Variants in MYRIP observed in about 807,000 individuals in gnomAD.
MYRIP encodes the protein myosin VIIA and Rab interacting protein.
MYRIP carries 49 observed loss-of-function variants against 98.0 expected under a neutral mutation model. That is an observed-to-expected ratio of 0.50 (90% CI 0.40 to 0.63). The LOEUF is 0.63. MYRIP is among the 30% of genes least tolerant of loss of function. The probability of loss-of-function intolerance (pLI) is 0.00; values close to 1 mark genes in which losing one functional copy is unlikely to be tolerated. For missense variants in MYRIP, 1,004 were observed against 1,058.2 expected (o/e 0.95, Z 0.71); for synonymous variants, 404 against 409.5 (o/e 0.99, Z 0.16).
chr3:39,848,632 T>C (rs1942042054), intron 1 of MYRIP, among the ~76,000 whole-genome samples: 1 of 152,242 alleles, frequency 6.6e-6, no homozygotes, highest in African/African-American at 2.4e-5. Flanking sequence ...CTCATGAGCA[T>C]GTACTTTCAG....
chr3:40,186,853 C>A (rs1951048640), intron 9 of MYRIP, among the ~76,000 whole-genome samples: 1 of 152,222 alleles, frequency 6.6e-6, no homozygotes, highest in African/African-American at 2.4e-5. Context: ...TACCACCTGA[C>A]TGACAATCCC....
chr3:39,876,054 G>A (rs1478186885), intron 1 of MYRIP, among the ~76,000 whole-genome samples: 1 of 152,164 alleles, frequency 6.6e-6, no homozygotes, highest in African/African-American at 2.4e-5. Flanking sequence ...ATTTAGGATA[G>A]TTAGCTCTTC....
intron 3 of MYRIP, among the ~76,000 whole-genome samples, chr3:40,052,147 AT>A (rs934628165): frequency 6.6e-6 from 1 of 151,886 alleles, no homozygotes; most frequent in African/African-American, 2.4e-5. Flanking sequence ...ATTTAACTGT[AT>A]TTTTGTACCC....
At position 40,255,371 on chromosome 3, in the gene MYRIP, G is replaced by T. The variant is rs551972616; in HGVS notation, c.2548-2763G>T. ...TTATTGAAACTAGATAAAGGTGGTA[G>T]TTGTACAACCTCGTGAACATACTAA... On this transcript the variant is annotated intron_variant, in intron 16 of 16. Transcript: ENST00000302541. 2.0e-5 allele frequency among the ~76,000 whole-genome samples: 3 copies of T among 152,312 alleles called. No individual in the cohort carries two copies. The South Asian group carries it at 6.2e-4, about 32-fold the overall frequency.
intron 2 of MYRIP, among the ~76,000 whole-genome samples, chr3:40,017,947 C>G (rs1192512848): frequency 1.3e-5 from 2 of 152,124 alleles, no homozygotes; most frequent in African/African-American, 4.8e-5. Context: ...TGTTACTGTG[C>G]ATTTTCATTG....
chr3:39,852,997 A>G (rs1942178892), intron 1 of MYRIP, among the ~76,000 whole-genome samples: 1 of 152,084 alleles, frequency 6.6e-6, no homozygotes, highest in Admixed American at 6.5e-5. Context: ...GGTCAGGGTG[A>G]TCTCGAACTC....
chr3:40,028,860 G>A (rs182998558), intron 2 of MYRIP, among the ~76,000 whole-genome samples: 2 of 152,192 alleles, frequency 1.3e-5, no homozygotes, highest in African/African-American at 4.8e-5. Flanking sequence ...AGTGAGAGAT[G>A]GTCTGAAGAA....
At chr3:40,047,892 C>T (rs1021946707) in intron 3 of MYRIP, among the ~76,000 whole-genome samples, 3 of 152,066 alleles carry the variant, frequency 2.0e-5, no homozygotes, top group Non-Finnish European at 2.9e-5. Context: ...AACTGTGTAA[C>T]CCATCAACAT....
chr3:39,833,017 A>G (rs1941499205), intron 1 of MYRIP, among the ~76,000 whole-genome samples: 1 of 152,244 alleles, frequency 6.6e-6, no homozygotes, highest in Admixed American at 6.5e-5. Flanking sequence ...AGGTTAGTAA[A>G]CAGATCCACT....
intron 2 of MYRIP, among the ~76,000 whole-genome samples, chr3:39,939,840 T>C (rs1944741565): frequency 6.6e-6 from 1 of 152,160 alleles, no homozygotes; most frequent in Non-Finnish European, 1.5e-5. Flanking sequence ...AGGAAATGAT[T>C]CTGAATCAAT....
intron 1 of MYRIP, among the ~76,000 whole-genome samples, chr3:39,838,670 C>CT (rs1270894934): frequency 3.9e-5 from 6 of 151,910 alleles, no homozygotes; most frequent in Admixed American, 2.6e-4. Flanking sequence ...CTGAAATTTT[C>CT]TTTTTTTGTT....
intron 2 of MYRIP, among the ~76,000 whole-genome samples, chr3:39,915,606 A>G (rs1190822971): frequency 1.3e-5 from 2 of 151,980 alleles, no homozygotes; most frequent in African/African-American, 4.8e-5. Flanking sequence ...CTCTCCAACC[A>G]AAGTAAAAGG....
chr3:40,099,789 G>A (rs1298768544), intron 3 of MYRIP, among the ~76,000 whole-genome samples: 1 of 152,144 alleles, frequency 6.6e-6, no homozygotes, highest in East Asian at 1.9e-4. Context: ...ATAAAACCAT[G>A]TCTTTGGCTC....
intron 2 of MYRIP, among the ~76,000 whole-genome samples, chr3:39,957,850 T>C (rs1040901755): frequency 1.3e-5 from 2 of 152,208 alleles, no homozygotes; most frequent in East Asian, 1.9e-4. Context: ...ACAAAATCAA[T>C]GTGCAACAAT....
At chr3:40,248,597 G>A (rs1271903674) in intron 13 of MYRIP, 1 of 152,048 alleles carries the variant, frequency 6.6e-6, no homozygotes, top group Non-Finnish European at 1.5e-5. Context: ...TCTTATTCCA[G>A]AACCTGATAG....
chr3:40,162,825 G>C lies in MYRIP; in HGVS notation c.550+15G>C. The stretch of plus-strand genomic sequence containing the variant: ...GCAGTCAGAAGGTAAAGTTGCTTAA[G>C]AGTTTACAGCTACTGGGAAGTTGGA... On this transcript the variant is annotated intron_variant, in intron 5 of 16. Transcript: ENST00000302541. 6.2e-7 allele frequency: 1 copy of C among 1,609,320 alleles called. No individual in the cohort carries two copies. The highest frequency in any genetic ancestry group is 2.2e-5 in the East Asian group (1 of 44,862).
rs1229824197 is a variant in MYRIP at position 40,130,707 on chromosome 3, A to AAT, written c.333-20330_333-20329dup. ...TAGTCCAAATTTCTACCCTCCTAAG[A>AAT]ATATATATATATGTGTGTGTGTGTG... On this transcript the variant is annotated intron_variant, in intron 3 of 16. Transcript: ENST00000302541. Among the ~76,000 whole-genome samples the AAT allele has an allele frequency of 1.1e-3, 169 of 151,308 alleles. 2 individuals are homozygous for AAT. The highest frequency in any genetic ancestry group is 3.4e-3 in the African/African-American group (141 of 40,974).
At chr3:40,069,347 A>G (rs1016779523) in intron 3 of MYRIP, among the ~76,000 whole-genome samples, 2 of 151,448 alleles carry the variant, frequency 1.3e-5, no homozygotes, top group Admixed American at 6.6e-5. Context: ...ACAAAAATTC[A>G]CAACAGATTC....
intron 1 of MYRIP, among the ~76,000 whole-genome samples, chr3:39,865,153 C>T (rs1942583952): frequency 6.6e-6 from 1 of 152,080 alleles, no homozygotes. Flanking sequence ...AAAATCAGCT[C>T]AAGGTGGATT....
Sources: gnomAD v4.1 joint callset for allele counts (sites outside exome capture counted in the v4.1 genomes callset) on GRCh38, gnomAD v4.1.1 for gene constraint, MANE v1.5 for transcripts, NCBI Gene and HGNC (gene_info 2026-07-23, HGNC 2026-07-21) for gene names.